Variants in XXYLT1 observed in about 807,000 individuals in gnomAD.
XXYLT1 encodes the protein xyloside xylosyltransferase 1, also known as UDP-xylose:alpha-xyloside alpha-1,3-xylosyltransferase.
A neutral mutation model predicts 28.9 loss-of-function variants in XXYLT1; 20 were observed. The observed-to-expected ratio is 0.69, with a 90% CI of 0.49 to 1.00. The LOEUF (loss-of-function observed/expected upper bound fraction) is 1.00. Among genes scored for constraint, XXYLT1 ranks in the 50% least tolerant of loss-of-function variants. The pLI is 0.00. For missense variants in XXYLT1, 542 were observed against 560.1 expected, an observed-to-expected ratio of 0.97 and a Z score of 0.33; for synonymous variants, 257 against 253.8, an observed-to-expected ratio of 1.01 and a Z score of -0.12.
At chr3:195,250,004 G>A (rs980415367) in intron 1 of XXYLT1, among the ~76,000 whole-genome samples, 1 of 152,128 alleles carries the variant, frequency 6.6e-6, no homozygotes. Flanking sequence ...CTCTCCACAC[G>A]GAGGCCAGAG....
In XXYLT1 at chr3:195,124,428, A is replaced by T. The variant is rs1718512422; in HGVS notation, c.785+32021T>A. 6.6e-6 allele frequency among the ~76,000 whole-genome samples: 1 copy of T among 152,218 alleles called. No homozygotes were observed. Among genetic ancestry groups the T allele is most frequent in the Non-Finnish European group, 1.5e-5 (1 of 68,034 alleles). ...TGGAAGGGAAATGGTTTGCGATGGC[A>T]GCATGAGAGAGCTCTGGGGCTTTGG... On this transcript the variant is annotated intron_variant, in intron 3 of 3. Coordinates refer to ENST00000310380, the MANE Select transcript of XXYLT1 (RefSeq NM_152531.5). The surrounding 1 kb of genome is among the most constrained non-coding windows in gnomAD (Gnocchi z 4.1).
chr3:195,125,506 G>A (rs191508879), intron 3 of XXYLT1, among the ~76,000 whole-genome samples: 14 of 152,316 alleles, frequency 9.2e-5, no homozygotes, highest in Admixed American at 5.9e-4. Flanking sequence ...CACAAGCCTG[G>A]TGGGGGTGGG....
chr3:195,145,360 C>T (rs1341495091), intron 3 of XXYLT1, among the ~76,000 whole-genome samples: 1 of 148,032 alleles, frequency 6.8e-6, no homozygotes, highest in Non-Finnish European at 1.5e-5. Flanking sequence ...GCACATCACT[C>T]CACGGTGACT....
intron 3 of XXYLT1, among the ~76,000 whole-genome samples, chr3:195,125,367 C>T (rs58434965): frequency 1.2e-4 from 19 of 152,240 alleles, no homozygotes; most frequent in Non-Finnish European, 2.2e-4. Flanking sequence ...CCTTCCATTG[C>T]GGGGCTGGAG....
intron 1 of XXYLT1, among the ~76,000 whole-genome samples, chr3:195,266,560 C>T (rs1381866680): frequency 6.6e-6 from 1 of 152,092 alleles, no homozygotes; most frequent in Non-Finnish European, 1.5e-5. Flanking sequence ...GGCAGCCTTT[C>T]CCAGATCAGC....
intron 3 of XXYLT1, chr3:195,087,179 T>G (rs1181554151): frequency 1.3e-5 from 2 of 152,372 alleles, no homozygotes; most frequent in African/African-American, 4.8e-5. Flanking sequence ...CCGCCTTTCC[T>G]GCTCCTCTGG....
rs1483147402 is a variant in XXYLT1 at position 195,150,804 on chromosome 3, ACAC to A, written c.785+5642_785+5644del. Among the ~76,000 whole-genome samples, 2 of 119,940 alleles carry A rather than the reference ACAC, an allele frequency of 1.7e-5. No individual in the cohort carries two copies. Among genetic ancestry groups the A allele is most frequent in the Non-Finnish European group, 3.6e-5 (2 of 55,218 alleles). 78.7% of individuals were successfully genotyped at this position (119,940 alleles called of 152,430 possible). A position where few individuals can be genotyped will look rare whatever the true frequency, so the allele number is the denominator to read the frequency against. On this transcript the variant is annotated intron_variant, in intron 3 of 3. Transcript: ENST00000310380. This position sits in a 1 kb window ranked among gnomAD's most constrained non-coding sequence, Gnocchi z 4.7. ...CTCACACACATATGCACACTCTCACACACTCACATACACACACACTCACACATA... is the reference window on the plus strand; with the variant it reads ...CTCACACACATATGCACACTCTCACATCACATACACACACACTCACACATA...
intron 1 of XXYLT1, among the ~76,000 whole-genome samples, chr3:195,230,785 C>G (rs1269913879): frequency 6.6e-6 from 1 of 152,098 alleles, no homozygotes; most frequent in South Asian, 2.1e-4. Context: ...TACTATAACT[C>G]TGTAGTATAA....
At chr3:195,198,696 G>C (rs74433277) in intron 2 of XXYLT1, among the ~76,000 whole-genome samples, 3 of 152,084 alleles carry the variant, frequency 2.0e-5, no homozygotes, top group Non-Finnish European at 2.9e-5. Context: ...TTCAGTGCTC[G>C]TAACTATTAT....
intron 3 of XXYLT1, among the ~76,000 whole-genome samples, chr3:195,103,621 T>C (rs922846352): frequency 7.2e-5 from 11 of 152,256 alleles, no homozygotes; most frequent in African/African-American, 2.4e-4. Flanking sequence ...ACTGTCGCTG[T>C]GCCTTTACCT....
chr3:195,246,910 C>G (rs1725046807), intron 1 of XXYLT1, among the ~76,000 whole-genome samples: 1 of 152,202 alleles, frequency 6.6e-6, no homozygotes, highest in South Asian at 2.1e-4. Flanking sequence ...CCGCTCCAGC[C>G]TCCTGGTCCC....
chr3:195,069,653 T>A lies in XXYLT1; in HGVS notation c.*62A>T. ...GGGTCAGACACTGCCCTTGGGTCTG[T>A]CCCAAGGAACCCTGTCCTTCCCCCA... is the stretch of plus-strand genomic sequence containing the variant. On this transcript the variant is annotated 3_prime_UTR_variant, in exon 4 of 4. Coordinates refer to ENST00000310380, the MANE Select transcript of XXYLT1 (RefSeq NM_152531.5). The A allele has an allele frequency of 6.5e-7, 1 of 1,548,714 alleles. No individual in the cohort carries two copies. Among genetic ancestry groups the A allele is most frequent in the Non-Finnish European group, 8.7e-7 (1 of 1,151,750 alleles).
chr3:195,230,247 C>A (rs35999604), intron 1 of XXYLT1, among the ~76,000 whole-genome samples: 4,737 of 152,228 alleles, frequency 0.031, 137 homozygotes, highest in East Asian at 0.1. Flanking sequence ...TTTTTTCCTA[C>A]AGGGTTGTTT....
At chr3:195,266,626 C>T (rs1725858284) in intron 1 of XXYLT1, among the ~76,000 whole-genome samples, 1 of 152,204 alleles carries the variant, frequency 6.6e-6, no homozygotes, top group Admixed American at 6.5e-5. Flanking sequence ...TGAACGCCCA[C>T]TGTGAGCCAG....
intron 3 of XXYLT1, among the ~76,000 whole-genome samples, chr3:195,112,087 A>G (rs988725357): frequency 1.3e-5 from 2 of 152,216 alleles, no homozygotes; most frequent in Non-Finnish European, 1.5e-5. Flanking sequence ...GTATATACCA[A>G]ATCAGCTTAA....
At chr3:195,074,823 C>T (rs73206616) in intron 3 of XXYLT1, among the ~76,000 whole-genome samples, 14,454 of 152,198 alleles carry the variant, frequency 0.095, 884 homozygotes, top group East Asian at 0.3. Context: ...GTTGTAGGAC[C>T]ACCACGGAGC....
chr3:195,249,345 A>G (rs1725159752), intron 1 of XXYLT1, among the ~76,000 whole-genome samples: 1 of 152,226 alleles, frequency 6.6e-6, no homozygotes, highest in South Asian at 2.1e-4. Context: ...ATGCTGTATA[A>G]AACAGGCATA....
chr3:195,244,809 A>G (rs1323296047), intron 1 of XXYLT1, among the ~76,000 whole-genome samples: 8 of 147,912 alleles, frequency 5.4e-5, no homozygotes, highest in African/African-American at 2.0e-4. Flanking sequence ...AAATTTTTAA[A>G]CTTTAGATCA....
At chr3:195,084,359 C>G (rs2108651561) in intron 3 of XXYLT1, among the ~76,000 whole-genome samples, 1 of 152,212 alleles carries the variant, frequency 6.6e-6, no homozygotes, top group Middle Eastern at 3.4e-3. Flanking sequence ...CGATTCAAGT[C>G]AGGGCCCTGG....
Sources: gnomAD v4.1 joint callset for allele counts (sites outside exome capture counted in the v4.1 genomes callset) on GRCh38, gnomAD v4.1.1 for gene constraint, Gnocchi (gnomAD v3.1) non-coding constraint, MANE v1.5 for transcripts, NCBI Gene and HGNC (gene_info 2026-07-23, HGNC 2026-07-21) for gene names.